PTPN13: variants seen among roughly 807,000 people sequenced by gnomAD.
The protein encoded by PTPN13 is tyrosine-protein phosphatase non-receptor type 13.
A neutral mutation model predicts 284.0 loss-of-function variants in PTPN13; 191 were observed. The ratio of observed to expected loss-of-function variants is 0.67; its 90% confidence interval spans 0.60 to 0.76. The LOEUF (loss-of-function observed/expected upper bound fraction) is 0.76, where lower values mean the gene tolerates loss of function less well. Ranked by LOEUF, PTPN13 falls within the 30% of genes least tolerant of loss-of-function variation. The probability of loss-of-function intolerance (pLI) is 0.00; values close to 1 mark genes in which losing one functional copy is unlikely to be tolerated. For missense variants in PTPN13, 2,797 were observed against 2,939.9 expected (o/e 0.95, Z 1.12); for synonymous variants, 986 against 1,022.3 (o/e 0.96, Z 0.68).
At chr4:86,617,532 A>G (rs11943428) in intron 1 of PTPN13, among the ~76,000 whole-genome samples, 36,562 of 152,052 alleles carry the variant, frequency 0.24, 4,534 homozygotes, top group East Asian at 0.3. Flanking sequence ...CCATTAACTC[A>G]TCATTTAGCA....
chr4:86,714,636 A>G (rs986341257), intron 7 of PTPN13, among the ~76,000 whole-genome samples: 32 of 152,092 alleles, frequency 2.1e-4, no homozygotes, highest in Admixed American at 2.6e-4. Context: ...CTTACCATCT[A>G]GTCCTTCTTT....
intron 47 of PTPN13, among the ~76,000 whole-genome samples, chr4:86,813,816 T>C (rs1405421713): frequency 1.3e-5 from 2 of 152,086 alleles, no homozygotes; most frequent in African/African-American, 2.4e-5. Context: ...TGTAGGAAGG[T>C]TATTTTTCCA....
intron 1 of PTPN13, among the ~76,000 whole-genome samples, chr4:86,624,772 C>T (rs1386040822): frequency 6.6e-6 from 1 of 152,096 alleles, no homozygotes; most frequent in Middle Eastern, 3.2e-3. Flanking sequence ...ATGATCATGC[C>T]TGTGAATAGC....
chr4:86,676,979 A>G (rs2148909688), intron 3 of PTPN13, among the ~76,000 whole-genome samples: 1 of 152,250 alleles, frequency 6.6e-6, no homozygotes, highest in East Asian at 1.9e-4. Flanking sequence ...TGAAATATAT[A>G]CTTAATGGCC....
At chr4:86,744,542 G>C (rs1736516914) in intron 16 of PTPN13, among the ~76,000 whole-genome samples, 1 of 152,180 alleles carries the variant, frequency 6.6e-6, no homozygotes, top group Admixed American at 6.5e-5. Context: ...CATGTGCCAT[G>C]TAACGATTTT....
chr4:86,671,197 A>G (rs1209587234), intron 2 of PTPN13, among the ~76,000 whole-genome samples: 1 of 152,214 alleles, frequency 6.6e-6, no homozygotes, highest in African/African-American at 2.4e-5. Context: ...GATCATGTAG[A>G]TGATAGGTAG....
chr4:86,686,007 A>G (rs1444097436), intron 3 of PTPN13, among the ~76,000 whole-genome samples: 2 of 152,240 alleles, frequency 1.3e-5, no homozygotes, highest in Non-Finnish European at 2.9e-5. Context: ...AATTCTATAT[A>G]CCATTTAAAA....
chr4:86,758,713 C>G lies in PTPN13; in HGVS notation c.3349C>G (p.Leu1117Val). 6.2e-7 allele frequency: 1 copy of G among 1,613,756 alleles called. No individual in the cohort carries two copies. The change falls in exon 22 of 48, where the codon CTG (leucine) becomes GTG (valine). Residue 1117 changes from leucine (L) to valine (V), a missense_variant. Physicochemically the swap from Leu to Val is conservative, Grantham distance 32 (BLOSUM62 1). Coordinates refer to ENST00000411767, the MANE Select transcript of PTPN13 (RefSeq NM_080683.3). ...QIIGGEKMGR[L>V]DLGIFISSVA... is the part of the protein sequence containing the mutation. The stretch of plus-strand genomic sequence containing the variant: ...TATTGGTGGGGAGAAGATGGGAAGA[C>G]TGGACCTAGGCATATTTATCAGTTC...
intron 1 of PTPN13, among the ~76,000 whole-genome samples, chr4:86,634,957 G>C (rs1392505707): frequency 6.6e-6 from 1 of 152,088 alleles, no homozygotes; most frequent in East Asian, 1.9e-4. Flanking sequence ...GTATTTTGGT[G>C]CCTCCTAGTA....
At chr4:86,669,835 AGTTAC>A (rs1436913636) in intron 2 of PTPN13, among the ~76,000 whole-genome samples, 4 of 152,208 alleles carry the variant, frequency 2.6e-5, no homozygotes, top group Non-Finnish European at 5.9e-5. Flanking sequence ...AAATGGTAAC[AGTTAC>A]ACTCAAAATC....
intron 41 of PTPN13, among the ~76,000 whole-genome samples, chr4:86,798,185 A>G (rs1380175208): frequency 1.3e-5 from 2 of 152,202 alleles, no homozygotes; most frequent in Non-Finnish European, 2.9e-5. Flanking sequence ...TTCCCACTGA[A>G]GCTCACAAAA....
chr4:86,769,849 G>T lies in PTPN13; in HGVS notation c.4570G>T (p.Glu1524Ter). 1 of 1,613,832 alleles carries T rather than the reference G, an allele frequency of 6.2e-7. No homozygotes were observed. Among genetic ancestry groups the T allele is most frequent in the South Asian group, 1.1e-5 (1 of 91,070 alleles). Residue 1524 changes from glutamate to a stop codon, truncating the protein, a stop_gained, in exon 29 of 48, where the codon GAG (glutamate) becomes TAG (stop). Transcript: ENST00000411767. LOFTEE classifies it high-confidence loss of function. ...SFSREDNLIPEQINASIVRVK... is the reference protein window; with the variant it reads ...SFSREDNLIP Reference sequence around the variant, plus strand: ...TTCTCGAGAAGATAATCTTATACCGGAGCAAATTAATGCCAGCATAGTAAG... The same window carrying T: ...TTCTCGAGAAGATAATCTTATACCGTAGCAAATTAATGCCAGCATAGTAAG...
chr4:86,788,761 A>C (rs557318518), intron 40 of PTPN13, among the ~76,000 whole-genome samples: 2 of 152,312 alleles, frequency 1.3e-5, no homozygotes, highest in African/African-American at 4.8e-5. Flanking sequence ...GGGTAAGAAG[A>C]GGTGTTAGGG....
chr4:86,601,330 C>A (rs1243831223), intron 1 of PTPN13, among the ~76,000 whole-genome samples: 1 of 152,012 alleles, frequency 6.6e-6, no homozygotes, highest in Non-Finnish European at 1.5e-5. Flanking sequence ...AGCTTAAATT[C>A]TGGCACTGCC....
chr4:86,636,391 C>G (rs368809715), intron 2 of PTPN13, among the ~76,000 whole-genome samples: 23,442 of 151,982 alleles, frequency 0.15, 2,271 homozygotes, highest in East Asian at 0.29. Context: ...ATGTTGTTTG[C>G]CATTCATAGC....
chr4:86,652,815 T>C (rs762787868), intron 2 of PTPN13, among the ~76,000 whole-genome samples: 2 of 152,176 alleles, frequency 1.3e-5, no homozygotes, highest in Non-Finnish European at 2.9e-5. Flanking sequence ...TGAAGAGTTC[T>C]CTGTAACTAA....
At chr4:86,642,545 C>T (rs774803772) in intron 2 of PTPN13, among the ~76,000 whole-genome samples, 42 of 149,576 alleles carry the variant, frequency 2.8e-4, no homozygotes, top group African/African-American at 9.9e-4. Flanking sequence ...CTCCACCTCC[C>T]GGGCTCAAGC....
chr4:86,631,111 T>C (rs1009215361), intron 1 of PTPN13, among the ~76,000 whole-genome samples: 1 of 152,144 alleles, frequency 6.6e-6, no homozygotes, highest in Non-Finnish European at 1.5e-5. Flanking sequence ...TATTGTAAAA[T>C]TTAACCTTTG....
intron 17 of PTPN13, among the ~76,000 whole-genome samples, chr4:86,745,564 C>G (rs1736650557): frequency 6.6e-6 from 1 of 152,048 alleles, no homozygotes; most frequent in Admixed American, 6.5e-5. Context: ...ATCACGAGGT[C>G]AGGAGTTTGA....
Sources: gnomAD v4.1 joint callset for allele counts (sites outside exome capture counted in the v4.1 genomes callset) on GRCh38, gnomAD v4.1.1 for gene constraint, MANE v1.5 for transcripts, NCBI Gene and HGNC (gene_info 2026-07-23, HGNC 2026-07-21) for gene names.